Variants in CCDC50 observed in about 807,000 individuals in gnomAD.
The protein encoded by CCDC50 is coiled-coil domain-containing protein 50.
A neutral mutation model predicts 70.2 loss-of-function variants in CCDC50; 54 were observed. That is an observed-to-expected ratio of 0.77 (90% CI 0.62 to 0.96). The LOEUF is 0.96. CCDC50 is among the 50% of genes least tolerant of loss of function. CCDC50 has a pLI of 0.00. For synonymous variants in CCDC50, 216 were observed against 198.8 expected, an observed-to-expected ratio of 1.09 and a Z score of -0.73; for missense variants, 558 against 578.7, an observed-to-expected ratio of 0.96 and a Z score of 0.37.
intron 5 of CCDC50, among the ~76,000 whole-genome samples, chr3:191,374,861 A>C (rs558228746): frequency 5.3e-5 from 8 of 152,128 alleles, no homozygotes; most frequent in Non-Finnish European, 1.0e-4. Context: ...CATTTTGGCT[A>C]TGTACCCAGA....
At chr3:191,343,535 A>G (rs1560156784) in intron 1 of CCDC50, among the ~76,000 whole-genome samples, 2 of 152,256 alleles carry the variant, frequency 1.3e-5, no homozygotes, top group Non-Finnish European at 2.9e-5. Context: ...CAATTTAAAA[A>G]CAGCAGAAGT....
At position 191,375,241 on chromosome 3, in the gene CCDC50, G is replaced by A. The variant is rs1713056391; in HGVS notation, c.628G>A (p.Gly210Ser). 8 of 1,613,636 alleles carry A rather than the reference G, an allele frequency of 5.0e-6. No homozygotes were observed. In the South Asian group the frequency reaches 7.7e-5, roughly 16 times the overall value. The change falls in exon 6 of 12, where the codon GGC (glycine) becomes AGC (serine). Residue 210 changes from glycine to serine, a missense_variant. By Grantham distance (56) the Gly-to-Ser change is moderately conservative. Coordinates refer to ENST00000392455, the MANE Select transcript of CCDC50 (RefSeq NM_178335.3). Reference protein sequence around the residue: ...SKRSLSSSSSGKGRDNPHINN... With the variant: ...SKRSLSSSSSSKGRDNPHINN... Reference sequence around the variant, plus strand: ...GAGATCCCTGTCATCCTCTAGCTCGGGCAAAGGGAGGGACAATCCCCATAT... The same window carrying A: ...GAGATCCCTGTCATCCTCTAGCTCGAGCAAAGGGAGGGACAATCCCCATAT...
chr3:191,346,148 G>A (rs1711915985), intron 1 of CCDC50, among the ~76,000 whole-genome samples: 1 of 152,078 alleles, frequency 6.6e-6, no homozygotes, highest in Non-Finnish European at 1.5e-5. Flanking sequence ...TTTCAAAGGA[G>A]CATTATAAAA....
At chr3:191,365,233 C>T (rs1443505854) in intron 4 of CCDC50, among the ~76,000 whole-genome samples, 3 of 150,994 alleles carry the variant, frequency 2.0e-5, no homozygotes, top group African/African-American at 7.3e-5. Context: ...CAATTTGAAG[C>T]CCTTTATAGT....
At chr3:191,344,412 C>T (rs1392956773) in intron 1 of CCDC50, among the ~76,000 whole-genome samples, 1 of 152,132 alleles carries the variant, frequency 6.6e-6, no homozygotes, top group Non-Finnish European at 1.5e-5. Flanking sequence ...CTGAGGAGAT[C>T]TGAATTTTTA....
chr3:191,335,445 A>G (rs981750734), intron 1 of CCDC50, among the ~76,000 whole-genome samples: 2 of 152,290 alleles, frequency 1.3e-5, no homozygotes, highest in Non-Finnish European at 2.9e-5. Context: ...CCTACAAAGG[A>G]TAATTAGTTT....
At chr3:191,389,642 T>G in intron 11 of CCDC50, 40 bp downstream of exon 11, 1 of 1,446,438 alleles carries the variant, frequency 6.9e-7, no homozygotes, top group Non-Finnish European at 9.7e-7. Flanking sequence ...GATCTTCTTT[T>G]TTTATATAAG....
In CCDC50 at chr3:191,329,505, C is replaced by CT. The variant is rs1717867747; in HGVS notation, c.-167dup. ...GTGCCTCGGGGACCGTCTCCCGCTGCTTTGGTCACCAGCCCCTGCCCGCCC... is the reference window on the plus strand; with the variant it reads ...GTGCCTCGGGGACCGTCTCCCGCTGCTTTTGGTCACCAGCCCCTGCCCGCCC... On this transcript the variant is annotated 5_prime_UTR_variant, in exon 1 of 12. Transcript: ENST00000392455. The CT allele has an allele frequency of 1.7e-6, 1 of 574,610 alleles. No individual in the cohort carries two copies. The highest frequency in any genetic ancestry group is 2.9e-6 in the Non-Finnish European group (1 of 344,380). The allele number at this position is 574,610 out of a possible 1,614,324, so 35.6% of individuals were successfully genotyped here.
intron 1 of CCDC50, among the ~76,000 whole-genome samples, chr3:191,334,227 G>A (rs930193653): frequency 2.0e-5 from 3 of 152,114 alleles, no homozygotes; most frequent in African/African-American, 7.2e-5. Flanking sequence ...CTGTGGTATA[G>A]AATGCATGGA....
At chr3:191,385,647 A>T (rs547993) in intron 10 of CCDC50, among the ~76,000 whole-genome samples, 63,941 of 151,744 alleles carry the variant, frequency 0.42, 15,110 homozygotes, top group Non-Finnish European at 0.53. Flanking sequence ...ATCTTTAGTT[A>T]CATTAAGTCC....
chr3:191,361,806 A>G (rs1055454373), intron 4 of CCDC50, among the ~76,000 whole-genome samples: 2 of 152,132 alleles, frequency 1.3e-5, no homozygotes, highest in Non-Finnish European at 2.9e-5. Flanking sequence ...TATTCAGCTT[A>G]CTACAAGGTG....
intron 4 of CCDC50, among the ~76,000 whole-genome samples, chr3:191,362,276 C>T (rs2108652337): frequency 6.6e-6 from 1 of 152,178 alleles, no homozygotes; most frequent in African/African-American, 2.4e-5. Context: ...CGCGCCCACA[C>T]TTGGCTAATA....
intron 2 of CCDC50, 69 bp from the exon 3 acceptor site, chr3:191,357,929 A>G: frequency 6.3e-7 from 1 of 1,596,598 alleles, no homozygotes; most frequent in Non-Finnish European, 8.6e-7. Context: ...AGCTCTTAAG[A>G]TTATTATGGC....
At chr3:191,380,607 G>C in intron 7 of CCDC50, 80 bp from the exon 8 acceptor site, 1 of 1,372,862 alleles carries the variant, frequency 7.3e-7, no homozygotes, top group Non-Finnish European at 1.0e-6. Context: ...TCAAAAACCA[G>C]CTTATTTTGT....
intron 10 of CCDC50, among the ~76,000 whole-genome samples, chr3:191,389,153 A>AT (rs1271435926): frequency 5.1e-5 from 7 of 138,390 alleles, no homozygotes; most frequent in Non-Finnish European, 8.0e-5. Context: ...TTATTCTGTT[A>AT]TTTTTTCTTT....
intron 1 of CCDC50, among the ~76,000 whole-genome samples, chr3:191,352,585 A>G (rs1712139922): frequency 7.0e-6 from 1 of 142,662 alleles, no homozygotes; most frequent in African/African-American, 2.5e-5. Context: ...ACCTGTTTAG[A>G]CTGAATTCCA....
Position 191,353,855 on chromosome 3 carries a change from T to C in CCDC50, c.50-3233T>C, listed in dbSNP as rs879641935. ...GTGTTCATGTACTTCCTCATAATCATTGAAAATCTTCCAGATCCCCTTCTA... is the reference window on the plus strand; with the variant it reads ...GTGTTCATGTACTTCCTCATAATCACTGAAAATCTTCCAGATCCCCTTCTA... On this transcript the variant is annotated intron_variant, in intron 1 of 11. Transcript: ENST00000392455. 4.1e-5 allele frequency among the ~76,000 whole-genome samples: 4 copies of C among 98,410 alleles called. No individual in the cohort carries two copies. The South Asian group carries it at 1.1e-3, about 28-fold the overall frequency. The allele number at this position is 98,410 out of a possible 152,430, so 64.6% of individuals were successfully genotyped here.
intron 1 of CCDC50, among the ~76,000 whole-genome samples, chr3:191,355,911 C>G (rs1162754916): frequency 6.6e-6 from 1 of 152,144 alleles, no homozygotes; most frequent in Non-Finnish European, 1.5e-5. Flanking sequence ...GGCATTATCC[C>G]TCAGTCGTGA....
At chr3:191,375,738 G>A (rs1295595853) in intron 6 of CCDC50, 149 bp downstream of exon 6, 4 of 844,544 alleles carry the variant, frequency 4.7e-6, no homozygotes, top group Non-Finnish European at 7.4e-6. Flanking sequence ...ATTATAAAAG[G>A]TATACACTTA....
Sources: allele counts gnomAD v4.1 joint callset (sites outside exome capture counted in the v4.1 genomes callset), GRCh38; gene constraint gnomAD v4.1.1; transcripts MANE v1.5; gene names NCBI Gene and HGNC (gene_info 2026-07-23, HGNC 2026-07-21).